Variants in GNG7 observed in about 807,000 individuals in gnomAD.
GNG7 encodes guanine nucleotide-binding protein G(I)/G(S)/G(O) subunit gamma-7.
In GNG7, 1 loss-of-function variant was observed where a neutral mutation model predicts 4.0. The ratio of observed to expected loss-of-function variants is 0.25; its 90% CI spans 0.09 to 1.18. The LOEUF (loss-of-function observed/expected upper bound fraction) is 1.18. Ranked by LOEUF, GNG7 falls within the 50% of genes most tolerant of loss-of-function variation. GNG7 has a pLI of 0.50. For missense variants in GNG7, 86 were observed against 91.9 expected (o/e 0.94, Z 0.26); for synonymous variants, 34 against 36.9 (o/e 0.92, Z 0.29).
intron 1 of GNG7, among the ~76,000 whole-genome samples, chr19:2,692,620 G>C (rs1181497157): frequency 6.8e-6 from 1 of 147,678 alleles, no homozygotes; most frequent in South Asian, 2.1e-4. Flanking sequence ...GGGCGACAGA[G>C]TGAGACTCCA....
At chr19:2,624,842 C>T (rs570312362) in intron 2 of GNG7, among the ~76,000 whole-genome samples, 18 of 152,366 alleles carry the variant, frequency 1.2e-4, no homozygotes, top group Admixed American at 3.9e-4. Flanking sequence ...ATCCCACAGG[C>T]TCCAGGGTGT....
intron 2 of GNG7, among the ~76,000 whole-genome samples, chr19:2,577,376 G>A (rs544421927): frequency 1.3e-5 from 2 of 152,266 alleles, no homozygotes; most frequent in East Asian, 1.9e-4. Context: ...TTGTAGGACC[G>A]GGGTCCCTGT....
Position 2,576,248 on chromosome 19 carries a change from G to A in GNG7, c.-77-21060C>T, listed in dbSNP as rs116077590. ...GGGCGGCCTCGGATGACGTGCAGGC[G>A]TGCAGCCCGGACGGCCCCAGGGGAC... On this transcript the variant is annotated intron_variant, in intron 2 of 4. Transcript: ENST00000382159. Among the ~76,000 whole-genome samples the A allele has an allele frequency of 5.8e-3, 885 of 152,362 alleles. 13 individuals are homozygous for A. The highest frequency in any genetic ancestry group is 0.02 in the African/African-American group (845 of 41,592).
At chr19:2,686,084 T>C (rs889497477) in intron 1 of GNG7, among the ~76,000 whole-genome samples, 1 of 152,040 alleles carries the variant, frequency 6.6e-6, no homozygotes, top group Admixed American at 6.6e-5. Context: ...GGGTGTCATC[T>C]TGGTCCCAGA....
intron 2 of GNG7, among the ~76,000 whole-genome samples, chr19:2,591,559 A>G (rs537154949): frequency 1.2e-3 from 189 of 151,358 alleles, no homozygotes; most frequent in African/African-American, 4.5e-3. Context: ...CAACCAAAGA[A>G]CCAAAGTTGG....
chr19:2,646,684 C>CAAAA (rs71964998), intron 1 of GNG7, among the ~76,000 whole-genome samples: 2 of 143,840 alleles, frequency 1.4e-5, no homozygotes, highest in African/African-American at 5.1e-5. Flanking sequence ...GACTCTGCTT[C>CAAAA]AAAAAAAAAA....
At chr19:2,662,403 C>T (rs1983205123) in intron 1 of GNG7, among the ~76,000 whole-genome samples, 1 of 152,042 alleles carries the variant, frequency 6.6e-6, no homozygotes, top group African/African-American at 2.4e-5. Context: ...CAGCCTTGGA[C>T]CCCACAGGTT....
chr19:2,584,120 A>C (rs1417624079), intron 2 of GNG7, among the ~76,000 whole-genome samples: 2 of 151,944 alleles, frequency 1.3e-5, no homozygotes, highest in Non-Finnish European at 2.9e-5. Flanking sequence ...GGAAACTCAA[A>C]GAATTATGGC....
rs1205325224 is a variant in GNG7, at chr19:2,633,107, G to A, written c.-78+13117C>T. Among the ~76,000 whole-genome samples, 3 of 152,216 alleles carry A rather than the reference G, an allele frequency of 2.0e-5. No individual in the cohort carries two copies. The highest frequency in any genetic ancestry group is 7.2e-5 in the African/African-American group (3 of 41,466). On this transcript the variant is annotated intron_variant, in intron 2 of 4. Coordinates refer to ENST00000382159, the MANE Select transcript of GNG7 (RefSeq NM_052847.3). The surrounding 1 kb of genome is among the most constrained non-coding windows in gnomAD (Gnocchi z 5.9). ...GGGAGTGTCTGCGCAGAGATCCGAGGGTGTTAGCCTGGCAGGGGCCCTGCA... is the reference window on the plus strand; with the variant it reads ...GGGAGTGTCTGCGCAGAGATCCGAGAGTGTTAGCCTGGCAGGGGCCCTGCA...
intron 1 of GNG7, among the ~76,000 whole-genome samples, chr19:2,684,537 T>C (rs8107996): frequency 0.46 from 69,321 of 151,964 alleles, 17,258 homozygotes; most frequent in African/African-American, 0.66. Flanking sequence ...CCCCGGAGTA[T>C]GATTCAGCCT....
chr19:2,593,627 C>T (rs907341693), intron 2 of GNG7, among the ~76,000 whole-genome samples: 2 of 151,832 alleles, frequency 1.3e-5, no homozygotes, highest in African/African-American at 4.8e-5. Context: ...GCCTGTAGTC[C>T]CAGCTACTAG....
chr19:2,688,279 C>T (rs1335061599), intron 1 of GNG7, among the ~76,000 whole-genome samples: 1 of 152,076 alleles, frequency 6.6e-6, no homozygotes, highest in Non-Finnish European at 1.5e-5. Context: ...AATCATGATG[C>T]AAAGATGAAA....
intron 4 of GNG7, among the ~76,000 whole-genome samples, chr19:2,519,085 C>T (rs948341313): frequency 4.0e-5 from 6 of 150,066 alleles, no homozygotes; most frequent in East Asian, 2.0e-4. Flanking sequence ...CGTGAGTCAC[C>T]GTGCCTGGCC....
rs1009845342 is a variant in GNG7, at chr19:2,511,258, G to T, written c.*3764C>A. 4 of 152,232 alleles carry T rather than the reference G, an allele frequency of 2.6e-5. No homozygotes were observed. The highest frequency in any genetic ancestry group is 5.9e-5 in the Non-Finnish European group (4 of 68,052). The allele number at this position is 152,232 out of a possible 1,614,324, so 9.4% of individuals were successfully genotyped here. A position where few individuals can be genotyped will look rare whatever the true frequency, so the allele number is the denominator to read the frequency against. On this transcript the variant is annotated 3_prime_UTR_variant, in exon 5 of 5. Transcript: ENST00000382159. The surrounding 1 kb of genome is among the most constrained non-coding windows in gnomAD (Gnocchi z 6.3). ...GGCTTTTTATTGTGTATGAATTCACGTGGTATCGACAACTCCACACAATAT... is the reference window on the plus strand; with the variant it reads ...GGCTTTTTATTGTGTATGAATTCACTTGGTATCGACAACTCCACACAATAT...
At chr19:2,552,043 G>A (rs920781735) in intron 3 of GNG7, among the ~76,000 whole-genome samples, 2 of 152,142 alleles carry the variant, frequency 1.3e-5, no homozygotes, top group Admixed American at 1.3e-4. Flanking sequence ...TCCGCCTCCT[G>A]TCCCATCAGC....
chr19:2,544,173 T>G (rs562383031), intron 3 of GNG7, among the ~76,000 whole-genome samples: 53 of 152,136 alleles, frequency 3.5e-4, no homozygotes, highest in African/African-American at 1.2e-3. Flanking sequence ...AGACAGGGTG[T>G]TATGTTTAGA....
chr19:2,664,971 T>C (rs1237615621), intron 1 of GNG7, among the ~76,000 whole-genome samples: 3 of 151,372 alleles, frequency 2.0e-5, no homozygotes, highest in African/African-American at 7.3e-5. Context: ...AATTAGGAAA[T>C]TCCACGGACC....
chr19:2,668,515 G>A (rs1430210812), intron 1 of GNG7, among the ~76,000 whole-genome samples: 1 of 152,164 alleles, frequency 6.6e-6, no homozygotes, highest in Non-Finnish European at 1.5e-5. Context: ...CCAACCCCAG[G>A]GAGATGGAGG....
chr19:2,553,454 ATATAT>A (rs1230964637), intron 3 of GNG7, among the ~76,000 whole-genome samples: 4 of 147,576 alleles, frequency 2.7e-5, no homozygotes, highest in Middle Eastern at 3.6e-3. Flanking sequence ...ATTATATGCA[ATATAT>A]TATGTTATAT....
Sources: gnomAD v4.1 joint callset for allele counts (sites outside exome capture counted in the v4.1 genomes callset) on GRCh38, gnomAD v4.1.1 for gene constraint, Gnocchi (gnomAD v3.1) non-coding constraint, MANE v1.5 for transcripts, NCBI Gene and HGNC (gene_info 2026-07-23, HGNC 2026-07-21) for gene names.